Variants in PTCH1 observed in about 807,000 individuals in gnomAD.
PTCH1 encodes protein patched homolog 1.
Under a neutral mutation model 144.6 loss-of-function variants are expected in PTCH1, and 14 were observed. The observed-to-expected ratio is 0.10, with a 90% confidence interval of 0.06 to 0.15. PTCH1 has a LOEUF of 0.15. Ranked by LOEUF, PTCH1 falls within the 10% of genes least tolerant of loss-of-function variation. The pLI is 1.00. For synonymous variants in PTCH1, 833 were observed against 793.6 expected, an observed-to-expected ratio of 1.05 and a Z score of -0.83; for missense variants, 1,623 against 1,948.3, an observed-to-expected ratio of 0.83 and a Z score of 3.14.
chr9:95,486,810 T>C (rs376695268), intron 2 of PTCH1, among the ~76,000 whole-genome samples: 6 of 152,254 alleles, frequency 3.9e-5, no homozygotes, highest in African/African-American at 1.4e-4. Context: ...AAGCTCCGAA[T>C]GCTGCACCTG....
chr9:95,456,191 T>TA, intron 19 of PTCH1, 85 bp downstream of exon 19: 1 of 1,462,290 alleles, frequency 6.8e-7, no homozygotes, highest in Non-Finnish European at 9.2e-7. Context: ...ACAGGGAGAA[T>TA]GCAAGGTTCC....
rs1057003339 is a variant in PTCH1, at chr9:95,449,049, G to A, written c.3804+20C>T. 6.2e-7 allele frequency: 1 copy of A among 1,613,380 alleles called. No individual in the cohort carries two copies. The highest frequency in any genetic ancestry group is 1.3e-5 in the African/African-American group (1 of 74,922). The stretch of plus-strand genomic sequence containing the variant: ...CCACGGTGGGAAGACCCCTCCCCCT[G>A]GTTCTGCAGAGTCACTTACAGTGGA... On this transcript the variant is annotated intron_variant, in intron 22 of 23. Transcript: ENST00000331920. This position sits in a 1 kb window ranked among gnomAD's most constrained non-coding sequence, Gnocchi z 5.3.
chr9:95,500,951 G>A (rs1386776219), intron 2 of PTCH1, among the ~76,000 whole-genome samples: 3 of 152,058 alleles, frequency 2.0e-5, no homozygotes, highest in African/African-American at 4.8e-5. Context: ...TTCCTCTTTC[G>A]ACCCATCACG....
chr9:95,506,599 C>T lies in PTCH1; in HGVS notation c.202G>A (p.Gly68Arg). The T allele has an allele frequency of 6.2e-7, 1 of 1,610,956 alleles. No individual in the cohort carries two copies. The highest frequency in any genetic ancestry group is 1.1e-5 in the South Asian group (1 of 90,622). ...GGCGCTTTCCGGCCAGTAGCCTTCC[C>T]CTGGGGACGAAGCAGAAGGGAGGAG... ...AAFALEQISK[G>R]KATGRKAPLW... is the part of the protein sequence containing the mutation. The change falls in exon 2 of 24, where the codon GGG becomes AGG. Residue 68 changes from glycine (G) to arginine (R), a missense_variant and splice_region_variant. Physicochemically the swap from Gly to Arg is moderately radical, Grantham distance 125. Coordinates refer to ENST00000331920, the MANE Select transcript of PTCH1 (RefSeq NM_000264.5).
chr9:95,512,295 T>G (rs901420984), upstream of PTCH1, among the ~76,000 whole-genome samples: 2 of 152,172 alleles, frequency 1.3e-5, no homozygotes, highest in African/African-American at 4.8e-5. Context: ...TCTCAGACAA[T>G]GGTCCCGGCC....
At chr9:95,480,283 A>G (rs925119434) in intron 6 of PTCH1, 107 bp downstream of exon 6, 7 of 1,544,126 alleles carry the variant, frequency 4.5e-6, no homozygotes, top group Non-Finnish European at 6.2e-6. Context: ...AAAGACGATC[A>G]TGGAGAATGA....
chr9:95,478,007 A>G (rs754755460), intron 9 of PTCH1, 48 bp downstream of exon 9: 4 of 1,613,898 alleles, frequency 2.5e-6, no homozygotes, highest in Non-Finnish European at 3.4e-6. Flanking sequence ...AAAGACTAAA[A>G]CAACCAAACC....
chr9:95,462,696 A>G (rs1406180342), intron 15 of PTCH1, among the ~76,000 whole-genome samples: 1 of 152,152 alleles, frequency 6.6e-6, no homozygotes, highest in African/African-American at 2.4e-5. Context: ...GTAAATTTGG[A>G]TCCGATTGAG....
At chr9:95,486,023 T>A in intron 2 of PTCH1, 149 bp from the exon 3 acceptor site, 1 of 865,610 alleles carries the variant, frequency 1.2e-6, no homozygotes, top group Non-Finnish European at 1.9e-6. Flanking sequence ...TTCACTTTAT[T>A]AATGGCAATG....
intron 2 of PTCH1, among the ~76,000 whole-genome samples, chr9:95,486,235 G>A (rs1002590088): frequency 1.3e-5 from 2 of 152,222 alleles, no homozygotes; most frequent in South Asian, 4.1e-4. Context: ...TAAACAATGC[G>A]CCCCTGCAGC....
Position 95,508,491 on chromosome 9 carries a change from G to A in PTCH1, c.-130C>T. ...GCGAGGACGCTGCTGGCCGCAGGCT[G>A]CTCGGGCTCGGGCTCCGGTTGACAG... On this transcript the variant is annotated 5_prime_UTR_variant, in exon 1 of 24. It introduces an in-frame stop codon into an upstream open reading frame of the 5' UTR. Transcript: ENST00000331920. 2.0e-6 allele frequency: 2 copies of A among 1,019,536 alleles called. No individual in the cohort carries two copies. The highest frequency in any genetic ancestry group is 2.3e-6 in the Non-Finnish European group (2 of 852,104). The allele number at this position is 1,019,536 out of a possible 1,614,324, so 63.2% of individuals were successfully genotyped here. A position where few individuals can be genotyped will look rare whatever the true frequency, so the allele number is the denominator to read the frequency against.
chr9:95,456,151 CT>C, intron 19 of PTCH1, 124 bp downstream of exon 19: 1 of 1,447,920 alleles, frequency 6.9e-7, no homozygotes, highest in Non-Finnish European at 9.4e-7. Context: ...TAGGGGGCCC[CT>C]GTGCCCTGAG....
intron 2 of PTCH1, among the ~76,000 whole-genome samples, chr9:95,503,588 C>G (rs535483479): frequency 1.3e-5 from 2 of 152,166 alleles, no homozygotes; most frequent in Non-Finnish European, 2.9e-5. Context: ...AGATCAAGGA[C>G]AGGGCAACAG....
chr9:95,450,008 C>A, intron 20 of PTCH1, 68 bp from the exon 21 acceptor site: 2 of 1,396,198 alleles, frequency 1.4e-6, no homozygotes, highest in Non-Finnish European at 2.0e-6. Context: ...TCCGTGTGCC[C>A]GACACAGCAG....
chr9:95,457,918 T>A lies in PTCH1; in HGVS notation c.3168+95A>T, dbSNP rs1269430209. 4.6e-6 allele frequency: 7 copies of A among 1,514,540 alleles called. No individual in the cohort carries two copies. The South Asian group carries it at 8.0e-5, about 17-fold the overall frequency. 93.8% of individuals were successfully genotyped at this position (1,514,540 alleles called of 1,614,324 possible). The stretch of plus-strand genomic sequence containing the variant: ...ACGGATGATGCAAGCTATACCCTCC[T>A]CCAGAGGCCCAGACATAAACAAAAC... On this transcript the variant is annotated intron_variant, in intron 18 of 23. Coordinates refer to ENST00000331920, the MANE Select transcript of PTCH1 (RefSeq NM_000264.5).
At chr9:95,448,981 T>C in intron 22 of PTCH1, 88 bp downstream of exon 22, 1 of 1,564,468 alleles carries the variant, frequency 6.4e-7, no homozygotes, top group East Asian at 2.3e-5. Flanking sequence ...TGTGATGTGC[T>C]GCTCAGCAGA....
At chr9:95,496,017 T>C (rs1003306100) in intron 2 of PTCH1, among the ~76,000 whole-genome samples, 1 of 152,196 alleles carries the variant, frequency 6.6e-6, no homozygotes, top group Non-Finnish European at 1.5e-5. Flanking sequence ...ATCTGTTATA[T>C]TTCTGTCTTT....
intron 20 of PTCH1, chr9:95,453,006 A>G (rs528153923): frequency 4.4e-4 from 122 of 278,446 alleles, no homozygotes; most frequent in African/African-American, 2.6e-3. Flanking sequence ...TCTAGAAGAG[A>G]GCTTGTCTTT....
chr9:95,479,162 A>G lies in PTCH1; in HGVS notation c.1068-15T>C. The G allele has an allele frequency of 6.2e-7, 1 of 1,614,056 alleles. No individual in the cohort carries two copies. The highest frequency in any genetic ancestry group is 1.7e-4 in the Middle Eastern group (1 of 6,056). ...GGGCATGGGCGCTGCAGCACAGTCCAAGGGAAGGCACATCATCAGTATTCC... is the reference window on the plus strand; with the variant it reads ...GGGCATGGGCGCTGCAGCACAGTCCGAGGGAAGGCACATCATCAGTATTCC... On this transcript the variant is annotated splice_polypyrimidine_tract_variant and intron_variant, in intron 7 of 23. Transcript: ENST00000331920.
Sources: gnomAD v4.1 joint callset for allele counts (sites outside exome capture counted in the v4.1 genomes callset) on GRCh38, gnomAD v4.1.1 for gene constraint, Gnocchi (gnomAD v3.1) non-coding constraint, MANE v1.5 for transcripts, NCBI Gene and HGNC (gene_info 2026-07-23, HGNC 2026-07-21) for gene names.